Variants in STK32B observed in about 807,000 individuals in gnomAD.
The protein encoded by STK32B is serine/threonine-protein kinase 32B.
In STK32B, 43 loss-of-function variants were observed where a neutral mutation model predicts 52.6. That is an observed-to-expected ratio of 0.82 (90% CI 0.64 to 1.05). The LOEUF is 1.05. STK32B is among the 50% of genes least tolerant of loss of function. The probability of loss-of-function intolerance (pLI) is 0.00; values close to 1 mark genes in which losing one functional copy is unlikely to be tolerated. For missense variants in STK32B, 621 were observed against 534.6 expected (o/e 1.16, Z -1.59); for synonymous variants, 238 against 204.3 (o/e 1.17, Z -1.41).
chr4:5,238,416 G>C (rs1029685332), intron 3 of STK32B, among the ~76,000 whole-genome samples: 1 of 151,812 alleles, frequency 6.6e-6, no homozygotes, highest in Non-Finnish European at 1.5e-5. Context: ...TTAGAATCAG[G>C]ACCCACCCTA....
chr4:5,417,252 T>C (rs1262888646), intron 6 of STK32B, among the ~76,000 whole-genome samples: 1 of 152,240 alleles, frequency 6.6e-6, no homozygotes, highest in Non-Finnish European at 1.5e-5. Flanking sequence ...TTCCAGAATT[T>C]AACTTGGTGG....
intron 1 of STK32B, among the ~76,000 whole-genome samples, chr4:5,078,122 G>A (rs1312072736): frequency 6.6e-6 from 1 of 151,932 alleles, no homozygotes; most frequent in Non-Finnish European, 1.5e-5. Context: ...AAGGAGGAAA[G>A]GGGCCTTTTC....
intron 3 of STK32B, among the ~76,000 whole-genome samples, chr4:5,268,819 C>A (rs1429635291): frequency 1.3e-5 from 2 of 150,950 alleles, no homozygotes; most frequent in African/African-American, 4.9e-5. Context: ...ATAATAGGGA[C>A]CAGATTTACC....
intron 3 of STK32B, among the ~76,000 whole-genome samples, chr4:5,173,839 G>T (rs961123815): frequency 1.3e-5 from 2 of 152,184 alleles, no homozygotes; most frequent in African/African-American, 4.8e-5. Context: ...GCAGTGCTGA[G>T]TTCAATTCCT....
At chr4:5,188,378 G>C (rs76634160) in intron 3 of STK32B, among the ~76,000 whole-genome samples, 2,037 of 152,270 alleles carry the variant, frequency 0.013, 39 homozygotes, top group African/African-American at 0.047. Context: ...TGGTGCCCTT[G>C]ATCCTCAAGT....
chr4:5,434,348 T>C (rs1827515), intron 6 of STK32B, among the ~76,000 whole-genome samples: 27,397 of 151,956 alleles, frequency 0.18, 3,276 homozygotes, highest in East Asian at 0.41. Flanking sequence ...CTAATTCAAT[T>C]GCAACCAAAA....
chr4:5,363,198 T>C (rs1285213607), intron 4 of STK32B, among the ~76,000 whole-genome samples: 1 of 152,234 alleles, frequency 6.6e-6, no homozygotes, highest in African/African-American at 2.4e-5. Flanking sequence ...GTCATGAAAG[T>C]ATACAAATTT....
chr4:5,406,382 A>C (rs1158123253), intron 5 of STK32B, among the ~76,000 whole-genome samples: 1 of 152,094 alleles, frequency 6.6e-6, no homozygotes, highest in Non-Finnish European at 1.5e-5. Flanking sequence ...TGGGGGTTGG[A>C]TAATGGTGGG....
At chr4:5,311,973 T>A (rs1057155814) in intron 3 of STK32B, among the ~76,000 whole-genome samples, 3 of 151,282 alleles carry the variant, frequency 2.0e-5, no homozygotes, top group Non-Finnish European at 4.4e-5. Context: ...TTTAAAAAAA[T>A]TATAAACAGT....
chr4:5,306,902 G>C (rs1269192168), intron 3 of STK32B, among the ~76,000 whole-genome samples: 3 of 152,072 alleles, frequency 2.0e-5, no homozygotes, highest in Admixed American at 6.6e-5. Flanking sequence ...ATGAAGCTTA[G>C]TTTTCCTGCA....
At chr4:5,306,527 T>C (rs1729936188) in intron 3 of STK32B, among the ~76,000 whole-genome samples, 1 of 152,042 alleles carries the variant, frequency 6.6e-6, no homozygotes, top group African/African-American at 2.4e-5. Context: ...AGTTTATGTG[T>C]GTCCTTGTGT....
upstream of STK32B, chr4:5,051,299 C>G (rs1306860641): frequency 6.5e-6 from 1 of 153,912 alleles, no homozygotes; most frequent in Non-Finnish European, 1.4e-5. Context: ...AGCGCGTAGC[C>G]GAGGCCTGGC....
At chr4:5,296,224 A>G (rs1024419767) in intron 3 of STK32B, among the ~76,000 whole-genome samples, 3 of 152,198 alleles carry the variant, frequency 2.0e-5, no homozygotes, top group African/African-American at 7.2e-5. Flanking sequence ...GATGCTGAGA[A>G]GAATGTATAT....
At chr4:5,113,768 C>G (rs1353862408) in intron 1 of STK32B, among the ~76,000 whole-genome samples, 2 of 152,154 alleles carry the variant, frequency 1.3e-5, no homozygotes, top group African/African-American at 4.8e-5. Flanking sequence ...AAGATATACC[C>G]AAGACTGGGC....
intron 1 of STK32B, among the ~76,000 whole-genome samples, chr4:5,135,692 A>G (rs1472461662): frequency 6.6e-6 from 1 of 152,166 alleles, no homozygotes; most frequent in East Asian, 1.9e-4. Flanking sequence ...TTTTGGCTTT[A>G]TAGTCACAAG....
chr4:5,196,312 C>T (rs953802621), intron 3 of STK32B, among the ~76,000 whole-genome samples: 3 of 149,096 alleles, frequency 2.0e-5, no homozygotes, highest in Non-Finnish European at 1.5e-5. Flanking sequence ...CCCTCTCTTT[C>T]CTCTCCTCTC....
intron 4 of STK32B, among the ~76,000 whole-genome samples, chr4:5,355,989 A>C (rs183087941): frequency 6.6e-6 from 1 of 152,260 alleles, no homozygotes; most frequent in Admixed American, 6.5e-5. Flanking sequence ...CCAGAGGCCA[A>C]ATGTACCCAG....
At position 5,466,756 on chromosome 4, in the gene STK32B, A is replaced by G. The variant is rs776751712; in HGVS notation, c.963A>G (p.Glu321=). 2 of 1,614,054 alleles carry G rather than the reference A, an allele frequency of 1.2e-6. No individual in the cohort carries two copies. The highest frequency in any genetic ancestry group is 3.3e-5 in the Admixed American group (2 of 60,022). ...TTGAGCTTGAAGAGATGATTCTAGA[A>G]TCCAAGCCACTTCACAAAAAGAAGA... ...PTFELEEMIL[E]SKPLHKKKKR... Residue 321 remains glutamate (E), a synonymous_variant, in exon 10 of 12, where the codon GAA becomes GAG. Coordinates refer to ENST00000282908, the MANE Select transcript of STK32B (RefSeq NM_018401.3).
At chr4:5,288,595 T>C (rs1431924336) in intron 3 of STK32B, among the ~76,000 whole-genome samples, 1 of 152,172 alleles carries the variant, frequency 6.6e-6, no homozygotes, top group Non-Finnish European at 1.5e-5. Flanking sequence ...TATTTGTCTT[T>C]TTATTATTGA....
Sources: allele counts gnomAD v4.1 joint callset (sites outside exome capture counted in the v4.1 genomes callset), GRCh38; gene constraint gnomAD v4.1.1; transcripts MANE v1.5; gene names NCBI Gene and HGNC (gene_info 2026-07-23, HGNC 2026-07-21).